DSCAM: variants seen among roughly 807,000 people sequenced by gnomAD.
DSCAM encodes the protein DS cell adhesion molecule.
A neutral mutation model predicts 217.7 loss-of-function variants in DSCAM; 47 were observed. The ratio of observed to expected loss-of-function variants is 0.22; its 90% CI spans 0.17 to 0.28. DSCAM has a LOEUF of 0.28. Ranked by LOEUF, DSCAM falls within the 10% of genes least tolerant of loss-of-function variation. DSCAM has a pLI of 1.00. For missense variants in DSCAM, 2,080 were observed against 2,618.3 expected (o/e 0.79, Z 4.49); for synonymous variants, 1,056 against 1,015.3 (o/e 1.04, Z -0.76).
intron 3 of DSCAM, among the ~76,000 whole-genome samples, chr21:40,602,670 TTCCTGATGAGTTCTCTTTTATTTCC>T (rs1442519925): frequency 6.6e-6 from 1 of 152,174 alleles, no homozygotes; most frequent in Non-Finnish European, 1.5e-5. Context: ...TATGAAAGCA[TTCCTGATGAGTTCTCTTTTATTTCC>T]AATATTAATA....
chr21:40,141,540 C>T (rs1043571223), intron 18 of DSCAM, among the ~76,000 whole-genome samples: 7 of 152,128 alleles, frequency 4.6e-5, no homozygotes, highest in African/African-American at 1.4e-4. Flanking sequence ...TGCTTGGGCC[C>T]GGGGAGGTGG....
At chr21:40,080,678 G>A (rs1296972271) in intron 24 of DSCAM, among the ~76,000 whole-genome samples, 2 of 152,154 alleles carry the variant, frequency 1.3e-5, no homozygotes, top group Non-Finnish European at 2.9e-5. Context: ...CTGAATCCTT[G>A]AGTGAAGACA....
At chr21:40,204,867 T>C (rs1290750308) in intron 11 of DSCAM, among the ~76,000 whole-genome samples, 1 of 152,226 alleles carries the variant, frequency 6.6e-6, no homozygotes, top group Admixed American at 6.5e-5. Context: ...CCAGTGCTTT[T>C]TCCTGCTTTG....
chr21:40,494,600 T>C (rs772519821), intron 3 of DSCAM, among the ~76,000 whole-genome samples: 3 of 151,830 alleles, frequency 2.0e-5, no homozygotes, highest in Admixed American at 2.0e-4. Context: ...ACTTATAGGA[T>C]GTAGCAAAAG....
chr21:40,102,462 C>T (rs1163147450), intron 20 of DSCAM, among the ~76,000 whole-genome samples: 1 of 152,090 alleles, frequency 6.6e-6, no homozygotes, highest in East Asian at 1.9e-4. Context: ...TAAATGTGCA[C>T]AGTTTACTCT....
chr21:40,738,823 C>CTGCTTCACTACCAAGGCTTGGAAGG (rs2091092283), intron 1 of DSCAM, among the ~76,000 whole-genome samples: 3 of 152,204 alleles, frequency 2.0e-5, no homozygotes, highest in South Asian at 4.1e-4. Flanking sequence ...AACACACTTC[C>CTGCTTCACTACCAAGGCTTGGAAGG]TGCTTCACTA....
At chr21:40,408,190 G>A (rs921845839) in intron 3 of DSCAM, among the ~76,000 whole-genome samples, 1 of 151,770 alleles carries the variant, frequency 6.6e-6, no homozygotes, top group Non-Finnish European at 1.5e-5. Context: ...AAAGAATGAA[G>A]TACACTAAGC....
At chr21:40,204,435 C>T (rs769515110) in intron 11 of DSCAM, among the ~76,000 whole-genome samples, 1 of 152,138 alleles carries the variant, frequency 6.6e-6, no homozygotes, top group African/African-American at 2.4e-5. Context: ...CAAGATGATG[C>T]ATTTTTATTA....
At chr21:40,284,210 C>A (rs974725154) in intron 10 of DSCAM, among the ~76,000 whole-genome samples, 1 of 152,180 alleles carries the variant, frequency 6.6e-6, no homozygotes. Context: ...AATGCTTATT[C>A]AGTGAAGGAG....
chr21:40,672,842 C>T (rs1487133505), intron 3 of DSCAM, among the ~76,000 whole-genome samples: 4 of 152,098 alleles, frequency 2.6e-5, no homozygotes, highest in Non-Finnish European at 2.9e-5. Flanking sequence ...CTTCCCCAAA[C>T]ATCTCTCACA....
chr21:40,639,936 G>A (rs997394893), intron 3 of DSCAM, among the ~76,000 whole-genome samples: 6 of 152,130 alleles, frequency 3.9e-5, no homozygotes, highest in Admixed American at 6.5e-5. Context: ...TGTTCTACAC[G>A]GGCTCCATAT....
intron 1 of DSCAM, among the ~76,000 whole-genome samples, chr21:40,840,656 A>C (rs2092093069): frequency 6.6e-6 from 1 of 152,144 alleles, no homozygotes; most frequent in Non-Finnish European, 1.5e-5. Flanking sequence ...AAAGAGAAGA[A>C]AATGCCCCAA....
intron 4 of DSCAM, among the ~76,000 whole-genome samples, chr21:40,357,801 T>A (rs534367629): frequency 1.3e-5 from 2 of 152,102 alleles, no homozygotes; most frequent in East Asian, 3.9e-4. Flanking sequence ...ACATGGCACA[T>A]GTATATATAT....
intron 18 of DSCAM, among the ~76,000 whole-genome samples, chr21:40,137,205 A>C (rs1008779413): frequency 7.8e-5 from 11 of 141,666 alleles, no homozygotes; most frequent in Non-Finnish European, 1.4e-4. Context: ...AAAAGCAAAC[A>C]CTTAAAACAA....
chr21:40,208,410 C>T (rs541268751), intron 11 of DSCAM, among the ~76,000 whole-genome samples: 8 of 152,294 alleles, frequency 5.3e-5, no homozygotes, highest in East Asian at 3.9e-4. Flanking sequence ...GCTGAGATTG[C>T]GCCATTGCAC....
At chr21:40,430,014 A>G (rs937082835) in intron 3 of DSCAM, among the ~76,000 whole-genome samples, 21 of 152,244 alleles carry the variant, frequency 1.4e-4, no homozygotes, top group Non-Finnish European at 2.1e-4. Flanking sequence ...TAAAATACAA[A>G]TGAACAAAAA....
chr21:40,818,702 C>A (rs2091904108), intron 1 of DSCAM, among the ~76,000 whole-genome samples: 1 of 151,958 alleles, frequency 6.6e-6, no homozygotes, highest in Non-Finnish European at 1.5e-5. Flanking sequence ...TTCTCCAACC[C>A]TCCATGGACA....
intron 11 of DSCAM, among the ~76,000 whole-genome samples, chr21:40,273,104 C>T (rs2073641072): frequency 6.6e-6 from 1 of 152,112 alleles, no homozygotes. Flanking sequence ...TCTGGAAATG[C>T]TCCTATGCAC....
chr21:40,323,177 G>A (rs570760612), intron 8 of DSCAM, among the ~76,000 whole-genome samples: 5 of 151,994 alleles, frequency 3.3e-5, no homozygotes, highest in African/African-American at 1.2e-4. Context: ...CTCTTTCTTC[G>A]CCCAGTCCTT....
Sources: allele counts gnomAD v4.1 joint callset (sites outside exome capture counted in the v4.1 genomes callset), GRCh38; gene constraint gnomAD v4.1.1; transcripts MANE v1.5; gene names NCBI Gene and HGNC (gene_info 2026-07-23, HGNC 2026-07-21).